GSE1: variants seen among roughly 807,000 people sequenced by gnomAD.
GSE1 encodes the protein genetic suppressor element 1.
A neutral mutation model predicts 112.6 loss-of-function variants in GSE1; 32 were observed. That is an observed-to-expected ratio of 0.28 (90% CI 0.21 to 0.38). GSE1 has a LOEUF of 0.38. Ranked by LOEUF, GSE1 falls within the 10% of genes least tolerant of loss-of-function variation. The pLI, the probability that GSE1 is intolerant of heterozygous loss-of-function variation, is 1.00. For missense variants in GSE1, 2,348 were observed against 1,699.2 expected, an observed-to-expected ratio of 1.38 and a Z score of -6.71; for synonymous variants, 1,115 against 735.6, an observed-to-expected ratio of 1.52 and a Z score of -8.35.
chr16:85,294,125 GTGGC>G (rs2045297284), intron 1 of GSE1, among the ~76,000 whole-genome samples: 3 of 152,210 alleles, frequency 2.0e-5, no homozygotes, highest in Non-Finnish European at 4.4e-5. Context: ...GCCAAGCCAG[GTGGC>G]CTGTTCCAGC....
chr16:85,604,033 C>T (rs1332713275), intron 1 of GSE1, among the ~76,000 whole-genome samples: 2 of 152,114 alleles, frequency 1.3e-5, no homozygotes, highest in Non-Finnish European at 1.5e-5. Flanking sequence ...TGCTCAGCTT[C>T]GGGGGAGGCC....
chr16:85,200,890 T>A (rs149079672), intron 1 of GSE1, among the ~76,000 whole-genome samples: 3 of 152,338 alleles, frequency 2.0e-5, no homozygotes, highest in Admixed American at 6.5e-5. Flanking sequence ...TGAACTCCAC[T>A]TCCTGCAGCC....
At chr16:85,641,904 C>T (rs775835033) in intron 2 of GSE1, among the ~76,000 whole-genome samples, 24 of 152,352 alleles carry the variant, frequency 1.6e-4, no homozygotes, top group Non-Finnish European at 2.8e-4. Flanking sequence ...ACATCCATGT[C>T]GCCACAAGTC....
At chr16:85,599,623 C>A (rs1167505490) in intron 1 of GSE1, among the ~76,000 whole-genome samples, 2 of 152,226 alleles carry the variant, frequency 1.3e-5, no homozygotes, top group African/African-American at 2.4e-5. Context: ...ACCTCTGTGG[C>A]CTTCTCTGGA....
chr16:85,607,652 G>C (rs759674037), upstream of GSE1, among the ~76,000 whole-genome samples: 1 of 152,212 alleles, frequency 6.6e-6, no homozygotes, highest in South Asian at 2.1e-4. Flanking sequence ...AGCTGCTGGG[G>C]TGGGGCTCCC....
intron 2 of GSE1, chr16:85,359,326 C>T (rs761121789): frequency 1.1e-5 from 5 of 452,228 alleles, no homozygotes; most frequent in South Asian, 4.7e-5. Flanking sequence ...TGGTTCTCAC[C>T]GTTTCTCTCC....
At chr16:85,326,083 G>C (rs944696020) in intron 1 of GSE1, among the ~76,000 whole-genome samples, 1 of 152,128 alleles carries the variant, frequency 6.6e-6, no homozygotes, top group Non-Finnish European at 1.5e-5. Flanking sequence ...TGAAAAATTT[G>C]ACAGGGGTAG....
At chr16:85,521,638 A>C (rs531391117) in intron 2 of GSE1, among the ~76,000 whole-genome samples, 100 of 152,212 alleles carry the variant, frequency 6.6e-4, no homozygotes, top group African/African-American at 2.4e-3. Flanking sequence ...AGTCAGTAAC[A>C]TGTGTTTGCA....
intron 1 of GSE1, among the ~76,000 whole-genome samples, chr16:85,266,825 G>A (rs56662129): frequency 0.059 from 8,985 of 152,232 alleles, 265 homozygotes; most frequent in East Asian, 0.084. Context: ...GTTGAGGCCT[G>A]AGAGGCTGAG....
chr16:85,451,714 G>A (rs112838114), intron 2 of GSE1, among the ~76,000 whole-genome samples: 4 of 91,120 alleles, frequency 4.4e-5, no homozygotes, highest in Admixed American at 3.8e-4. Flanking sequence ...TGGTGCGTGC[G>A]CTGGTGGTGG....
At chr16:85,346,317 T>A (rs2046735750) in intron 1 of GSE1, among the ~76,000 whole-genome samples, 1 of 148,826 alleles carries the variant, frequency 6.7e-6, no homozygotes, top group Non-Finnish European at 1.5e-5. Context: ...GGATGGATGA[T>A]GGATGGATGG....
At chr16:85,421,626 G>C (rs1413618096) in intron 2 of GSE1, among the ~76,000 whole-genome samples, 1 of 152,202 alleles carries the variant, frequency 6.6e-6, no homozygotes, top group African/African-American at 2.4e-5. Context: ...CTCATTTGCA[G>C]GCCCGAGCTT....
At chr16:85,424,019 C>T (rs572440363) in intron 2 of GSE1, among the ~76,000 whole-genome samples, 223 of 152,382 alleles carry the variant, frequency 1.5e-3, no homozygotes, top group Non-Finnish European at 2.5e-3. Context: ...CACCTGCATC[C>T]ACCAGGGAGG....
intron 2 of GSE1, among the ~76,000 whole-genome samples, chr16:85,641,732 C>T (rs981428949): frequency 1.3e-5 from 2 of 152,264 alleles, no homozygotes; most frequent in Non-Finnish European, 2.9e-5. Flanking sequence ...GCTCTTTCCT[C>T]TGGGGTCTGC....
chr16:85,270,566 C>T (rs920675358), intron 1 of GSE1, among the ~76,000 whole-genome samples: 1 of 148,726 alleles, frequency 6.7e-6, no homozygotes, highest in East Asian at 1.9e-4. Context: ...CCAGTGGGGG[C>T]CGATTTTATT....
intron 2 of GSE1, among the ~76,000 whole-genome samples, chr16:85,638,285 G>T (rs957787841): frequency 6.6e-6 from 1 of 152,196 alleles, no homozygotes; most frequent in Admixed American, 6.5e-5. Context: ...GCCCTCGCTG[G>T]GATTTATTTT....
intron 2 of GSE1, among the ~76,000 whole-genome samples, chr16:85,640,469 T>C (rs1292936099): frequency 6.6e-6 from 1 of 152,184 alleles, no homozygotes; most frequent in African/African-American, 2.4e-5. Flanking sequence ...CTTCCCCTGG[T>C]GGTGTCTGCT....
At chr16:85,637,872 C>A (rs1050622047) in intron 2 of GSE1, among the ~76,000 whole-genome samples, 1 of 152,178 alleles carries the variant, frequency 6.6e-6, no homozygotes, top group Non-Finnish European at 1.5e-5. Context: ...GCCAGCTCAG[C>A]GGCCCGCAGC....
chr16:85,675,786 TC>T lies in GSE1; in HGVS notation c.*3248del. On this transcript the variant is annotated 3_prime_UTR_variant, in exon 16 of 16. Transcript: ENST00000253458. ...GGTCAGCACAAACCGATTCTGTTCC[TC>T]TTTAAAGTGTATATTAGCCACTTAG... 1 of 152,384 alleles carries T rather than the reference TC, an allele frequency of 6.6e-6. No homozygotes were observed. Among genetic ancestry groups the T allele is most frequent in the African/African-American group, 2.4e-5 (1 of 41,590 alleles). The allele number at this position is 152,384 out of a possible 1,614,324, so 9.4% of individuals were successfully genotyped here.
Sources: allele counts gnomAD v4.1 joint callset (sites outside exome capture counted in the v4.1 genomes callset), GRCh38; gene constraint gnomAD v4.1.1; transcripts MANE v1.5; gene names NCBI Gene and HGNC (gene_info 2026-07-23, HGNC 2026-07-21).